The following ASAP2 variants were observed in gnomAD, a reference collection of about 807,000 sequenced individuals.
ASAP2 encodes arf-GAP with SH3 domain, ANK repeat and PH domain-containing protein 2.
A neutral mutation model predicts 131.4 loss-of-function variants in ASAP2; 45 were observed. The ratio of observed to expected loss-of-function variants is 0.34; its 90% CI spans 0.27 to 0.44. The LOEUF is 0.44. ASAP2 is among the 20% of genes least tolerant of loss of function. The pLI is 1.00. For missense variants in ASAP2, 1,011 were observed against 1,297.0 expected (o/e 0.78, Z 3.39); for synonymous variants, 510 against 503.0 (o/e 1.01, Z -0.19).
intron 9 of ASAP2, among the ~76,000 whole-genome samples, chr2:9,343,288 T>G (rs1671715146): frequency 6.6e-6 from 1 of 152,200 alleles, no homozygotes; most frequent in Admixed American, 6.5e-5. Flanking sequence ...ATTAAACACC[T>G]ACGAGCAGCC....
At chr2:9,225,626 G>C (rs568574459) in intron 1 of ASAP2, among the ~76,000 whole-genome samples, 9 of 152,108 alleles carry the variant, frequency 5.9e-5, no homozygotes, top group Admixed American at 5.9e-4. Flanking sequence ...GGGCTTTTGC[G>C]TAGGGGAGTG....
intron 1 of ASAP2, among the ~76,000 whole-genome samples, chr2:9,220,086 C>T (rs1167480970): frequency 6.6e-6 from 1 of 152,068 alleles, no homozygotes; most frequent in Non-Finnish European, 1.5e-5. Flanking sequence ...GTGTATGATA[C>T]ATTTTGTTTA....
chr2:9,310,288 G>A (rs1196709223), intron 3 of ASAP2, among the ~76,000 whole-genome samples: 1 of 152,198 alleles, frequency 6.6e-6, no homozygotes, highest in African/African-American at 2.4e-5. Context: ...TCAAATAAGT[G>A]ACATGATGCA....
chr2:9,399,898 G>T, intron 24 of ASAP2, 125 bp from the exon 25 acceptor site: 1 of 897,386 alleles, frequency 1.1e-6, no homozygotes, highest in South Asian at 1.5e-5. Context: ...ACAGCTAAGT[G>T]ACAGTGGAGG....
intron 24 of ASAP2, among the ~76,000 whole-genome samples, chr2:9,397,843 C>T (rs1434446573): frequency 7.1e-6 from 1 of 140,746 alleles, no homozygotes; most frequent in East Asian, 2.1e-4. Context: ...ATTGCAAGCT[C>T]CGCCTCCCGG....
In ASAP2 at chr2:9,350,801, T is replaced by C; in HGVS notation, c.1024-7T>C. On this transcript the variant is annotated splice_region_variant and splice_polypyrimidine_tract_variant and intron_variant, in intron 11 of 27. Transcript: ENST00000281419. ...AACCTTTTTTGTTGTTTTTTGCTTT[T>C]AAACAGGCTAACCGGCCTCCTGCAA... 2 of 1,611,144 alleles carry C rather than the reference T, an allele frequency of 1.2e-6. No individual in the cohort carries two copies. Among genetic ancestry groups the C allele is most frequent in the Non-Finnish European group, 1.7e-6 (2 of 1,178,332 alleles).
At chr2:9,286,937 A>C (rs1435350946) in intron 2 of ASAP2, among the ~76,000 whole-genome samples, 1 of 152,222 alleles carries the variant, frequency 6.6e-6, no homozygotes, top group Non-Finnish European at 1.5e-5. Flanking sequence ...AATACTCATG[A>C]GGTATTTGTT....
intron 14 of ASAP2, among the ~76,000 whole-genome samples, chr2:9,357,068 A>G (rs1040255650): frequency 1.3e-5 from 2 of 151,992 alleles, no homozygotes; most frequent in Admixed American, 6.6e-5. Context: ...CTCTAATTCT[A>G]TGACAATTTT....
chr2:9,208,127 A>T (rs549499730), intron 1 of ASAP2, among the ~76,000 whole-genome samples: 26 of 152,220 alleles, frequency 1.7e-4, no homozygotes, highest in African/African-American at 5.8e-4. Context: ...CCTTTTCCTT[A>T]CCCATCAAAC....
intron 1 of ASAP2, among the ~76,000 whole-genome samples, chr2:9,208,336 A>AGT (rs199934195): frequency 0.031 from 2,700 of 86,058 alleles, 42 homozygotes; most frequent in Admixed American, 0.071. Flanking sequence ...GGCTAGCAGG[A>AGT]GTGTGTGTGT....
chr2:9,330,708 G>A (rs1037679699), intron 7 of ASAP2, among the ~76,000 whole-genome samples: 1 of 152,142 alleles, frequency 6.6e-6, no homozygotes, highest in African/African-American at 2.4e-5. Context: ...GGCAATTTAG[G>A]AAGTGGGTCG....
intron 8 of ASAP2, 138 bp downstream of exon 8, chr2:9,334,951 C>T (rs1416357713): frequency 3.7e-6 from 5 of 1,343,584 alleles, no homozygotes; most frequent in Non-Finnish European, 5.2e-6. Flanking sequence ...CGCCTGTCCT[C>T]TGTCTTGGTG....
intron 3 of ASAP2, among the ~76,000 whole-genome samples, chr2:9,300,870 C>G (rs778035672): frequency 6.6e-6 from 1 of 152,172 alleles, no homozygotes; most frequent in Admixed American, 6.5e-5. Flanking sequence ...TTATGGAAGT[C>G]GGATTGTTGA....
At position 9,281,308 on chromosome 2, in the gene ASAP2, G is replaced by T. The variant is rs1185365435; in HGVS notation, c.199+1919G>T. 6.6e-6 allele frequency among the ~76,000 whole-genome samples: 1 copy of T among 152,204 alleles called. No homozygotes were observed. On this transcript the variant is annotated intron_variant, in intron 2 of 27. Transcript: ENST00000281419. The surrounding 1 kb of genome is among the most constrained non-coding windows in gnomAD (Gnocchi z 4.0). Reference sequence around the variant, plus strand: ...GTCTTATGCAAACACTGGCTGTGTAGCTGCTGCTCGTCTGGAGGAGAGACT... The same window carrying T: ...GTCTTATGCAAACACTGGCTGTGTATCTGCTGCTCGTCTGGAGGAGAGACT...
intron 1 of ASAP2, among the ~76,000 whole-genome samples, chr2:9,236,039 C>T (rs772629070): frequency 1.3e-4 from 20 of 152,164 alleles, no homozygotes; most frequent in Non-Finnish European, 2.2e-4. Flanking sequence ...GGACTGCACC[C>T]ACCACAAAGA....
At position 9,207,321 on chromosome 2, in the gene ASAP2, CT is replaced by C. The variant is rs1558233537; in HGVS notation, c.126+94del. On this transcript the variant is annotated intron_variant, in intron 1 of 27. Transcript: ENST00000281419. The surrounding 1 kb of genome is among the most constrained non-coding windows in gnomAD (Gnocchi z 4.1). ...CGCATCCGCATCCCGAGAAAACTTT[CT>C]TTGCTCCGAAGCCGGACGCGGCCGG... is the stretch of plus-strand genomic sequence containing the variant. 7.0e-7 allele frequency: 1 copy of C among 1,419,330 alleles called. No individual in the cohort carries two copies. The highest frequency in any genetic ancestry group is 9.2e-7 in the Non-Finnish European group (1 of 1,085,178). 87.9% of individuals were successfully genotyped at this position (1,419,330 alleles called of 1,614,324 possible).
At chr2:9,215,665 G>GTTTTTTTTTT in intron 1 of ASAP2, among the ~76,000 whole-genome samples, 1 of 136,562 alleles carries the variant, frequency 7.3e-6, no homozygotes, top group Non-Finnish European at 1.6e-5. Flanking sequence ...TGTTTAGCTA[G>GTTTTTTTTTT]TTTTTTTTTT....
intron 1 of ASAP2, among the ~76,000 whole-genome samples, chr2:9,234,316 C>T: frequency 6.6e-6 from 1 of 152,106 alleles, no homozygotes; most frequent in Middle Eastern, 3.2e-3. Flanking sequence ...ACCAGACTGC[C>T]TAGAGACAGG....
intron 1 of ASAP2, among the ~76,000 whole-genome samples, chr2:9,272,082 G>A (rs1666441074): frequency 6.6e-6 from 1 of 152,138 alleles, no homozygotes; most frequent in Non-Finnish European, 1.5e-5. Flanking sequence ...CACAGCAGTG[G>A]AATTGCTGGA....
Sources: allele counts gnomAD v4.1 joint callset (sites outside exome capture counted in the v4.1 genomes callset), GRCh38; gene constraint gnomAD v4.1.1; non-coding constraint Gnocchi (gnomAD v3.1); transcripts MANE v1.5; gene names NCBI Gene and HGNC (gene_info 2026-07-23, HGNC 2026-07-21).